PHF23: variants seen among roughly 807,000 people sequenced by gnomAD.
PHF23 encodes the protein PDH-containing protein JUNE-1.
A neutral mutation model predicts 36.0 loss-of-function variants in PHF23; 3 were observed. The observed-to-expected ratio is 0.08, with a 90% confidence interval of 0.04 to 0.22. PHF23 has a LOEUF of 0.22. Ranked by LOEUF, PHF23 falls within the 10% of genes least tolerant of loss-of-function variation. The pLI, the probability that PHF23 is intolerant of heterozygous loss-of-function variation, is 1.00. For missense variants in PHF23, 475 were observed against 513.6 expected (o/e 0.92, Z 0.73); for synonymous variants, 242 against 192.5 (o/e 1.26, Z -2.13).
Position 7,236,141 on chromosome 17 carries a change from C to A in PHF23, c.786G>T (p.Met262Ile). 1 of 1,610,420 alleles carries A rather than the reference C, an allele frequency of 6.2e-7. No homozygotes were observed. The highest frequency in any genetic ancestry group is 8.5e-7 in the Non-Finnish European group (1 of 1,178,144). The change falls in exon 4 of 5, where the codon ATG (methionine) becomes ATT (isoleucine). Residue 262 changes from methionine to isoleucine, a missense_variant. Coordinates refer to ENST00000320316, the MANE Select transcript of PHF23 (RefSeq NM_024297.3). The surrounding 1 kb of genome is among the most constrained non-coding windows in gnomAD (Gnocchi z 5.1). ...GGGCTTCACCCCCTACCACTGTTGC[C>A]ATCTCTTCTTCTTCTTCCTCTTCCT... ...EEEEEEEEEEMATVVGGEAPV... is the reference protein window; with the variant it reads ...EEEEEEEEEEIATVVGGEAPV...
Position 7,236,171 on chromosome 17 carries a change from T to C in PHF23, c.756A>G (p.Glu252=). The C allele has an allele frequency of 1.9e-6, 3 of 1,610,682 alleles. No individual in the cohort carries two copies. Among genetic ancestry groups the C allele is most frequent in the Non-Finnish European group, 2.5e-6 (3 of 1,178,186 alleles). Residue 252 remains glutamate (E), a synonymous_variant, in exon 4 of 5, where the codon GAA becomes GAG. Coordinates refer to ENST00000320316, the MANE Select transcript of PHF23 (RefSeq NM_024297.3). This position sits in a 1 kb window ranked among gnomAD's most constrained non-coding sequence, Gnocchi z 5.1. ...CTTCTTCTTCTTCCTCTTCCTCCTC[T>C]TCCTCCTCCTCTTCAGAGTCTGTAT... ...PSDTDSEEEE[E]EEEEEEEEEM...
rs1187380845 is a variant in PHF23 at position 7,235,383 on chromosome 17, TTA to T, written c.*241_*242del. On this transcript the variant is annotated 3_prime_UTR_variant, in exon 5 of 5. Transcript: ENST00000320316. Reference sequence around the variant, plus strand: ...TGGTGGCAGGTCCAAGAGACAGAGATTATGTGTCGGGACACAGACAGCCTCCC... The same window carrying T: ...TGGTGGCAGGTCCAAGAGACAGAGATTGTGTCGGGACACAGACAGCCTCCC... The T allele has an allele frequency of 3.7e-6, 2 of 534,052 alleles. No individual in the cohort carries two copies. Among genetic ancestry groups the T allele is most frequent in the African/African-American group, 3.8e-5 (2 of 52,440 alleles). The allele number at this position is 534,052 out of a possible 1,614,324, so 33.1% of individuals were successfully genotyped here. A position where few individuals can be genotyped will look rare whatever the true frequency, so the allele number is the denominator to read the frequency against.
chr17:7,238,639 CCCCCCCCACCCCG>C, intron 1 of PHF23: 6 of 297,116 alleles, frequency 2.0e-5, no homozygotes, highest in Non-Finnish European at 1.9e-5. Flanking sequence ...CCGGTCTTAA[CCCCCCCCACCCCG>C]CCCCACCACC....
At position 7,235,844 on chromosome 17, in the gene PHF23, G is replaced by T; in HGVS notation, c.998-4C>A. ...ATCAGATCCCATGAGTCATCACCTG[G>T]GGAAAAAAAGGTTTGTTTGGTATTC... is the stretch of plus-strand genomic sequence containing the variant. On this transcript the variant is annotated splice_polypyrimidine_tract_variant and splice_region_variant and intron_variant, in intron 4 of 4. Coordinates refer to ENST00000320316, the MANE Select transcript of PHF23 (RefSeq NM_024297.3). 1 of 1,613,018 alleles carries T rather than the reference G, an allele frequency of 6.2e-7. No individual in the cohort carries two copies. The highest frequency in any genetic ancestry group is 2.2e-5 in the East Asian group (1 of 44,876).
At position 7,235,061 on chromosome 17, in the gene PHF23, A is replaced by G. The variant is rs2071627063; in HGVS notation, c.*565T>C. ...CAAAAGAGCCCACTCTGCTTTATTT[A>G]CAACACGCAGGCTGTCTGTACAAAC... On this transcript the variant is annotated 3_prime_UTR_variant, in exon 5 of 5. Coordinates refer to ENST00000320316, the MANE Select transcript of PHF23 (RefSeq NM_024297.3). 6.0e-6 allele frequency: 1 copy of G among 165,962 alleles called. No individual in the cohort carries two copies. Among genetic ancestry groups the G allele is most frequent in the Non-Finnish European group, 1.3e-5 (1 of 75,106 alleles). The allele number at this position is 165,962 out of a possible 1,614,324, so 10.3% of individuals were successfully genotyped here.
At chr17:7,238,785 C>G (rs767913478) in intron 1 of PHF23, 1 of 1,534,820 alleles carries the variant, frequency 6.5e-7, no homozygotes, top group Non-Finnish European at 8.7e-7. Context: ...TACCTGCCCA[C>G]CTCTCCGACA....
intron 2 of PHF23, 65 bp from the exon 3 acceptor site, chr17:7,237,542 C>A (rs962568748): frequency 3.7e-6 from 6 of 1,606,316 alleles, no homozygotes; most frequent in Middle Eastern, 3.3e-4. Context: ...TTCCCAGAAA[C>A]ACAGTCCCTA....
At chr17:7,237,939 C>T in intron 1 of PHF23, 2 of 483,696 alleles carry the variant, frequency 4.1e-6, no homozygotes, top group Non-Finnish European at 7.5e-6. Context: ...CTCTCGACTC[C>T]AGTCTACTCG....
In PHF23 at chr17:7,236,350, C is replaced by G; in HGVS notation, c.577G>C (p.Gly193Arg). Reference protein sequence around the residue: ...RKNRKLGPGAGAGFGVLRRPR... With the variant: ...RKNRKLGPGARAGFGVLRRPR... Reference sequence around the variant, plus strand: ...CTCCGAAGCACCCCAAAGCCAGCCCCAGCTCCTGGCCCCAACTTTCGGTTC... The same window carrying G: ...CTCCGAAGCACCCCAAAGCCAGCCCGAGCTCCTGGCCCCAACTTTCGGTTC... Residue 193 changes from glycine to arginine, a missense_variant, in exon 4 of 5, where the codon GGG (glycine) becomes CGG (arginine). Physicochemically the swap from Gly to Arg is moderately radical, Grantham distance 125. Transcript: ENST00000320316. This position sits in a 1 kb window ranked among gnomAD's most constrained non-coding sequence, Gnocchi z 5.1. 6.2e-7 allele frequency: 1 copy of G among 1,614,230 alleles called. No individual in the cohort carries two copies. Among genetic ancestry groups the G allele is most frequent in the Non-Finnish European group, 8.5e-7 (1 of 1,180,052 alleles).
chr17:7,239,010 T>C, intron 1 of PHF23: 1 of 1,444,974 alleles, frequency 6.9e-7, no homozygotes, highest in Non-Finnish European at 9.1e-7. Flanking sequence ...GCTCCGGGTT[T>C]CAAGCTCCTA....
rs756621317 is a variant in PHF23 at position 7,236,125 on chromosome 17, C to T, written c.802G>A (p.Gly268Ser). 1 of 1,611,082 alleles carries T rather than the reference C, an allele frequency of 6.2e-7. No individual in the cohort carries two copies. Among genetic ancestry groups the T allele is most frequent in the Non-Finnish European group, 8.5e-7 (1 of 1,178,534 alleles). The part of the protein sequence containing the change: ...EEEEMATVVG[G>S]EAPVPVLPTP... ...GGCAGCACAGGGACTGGGGCTTCAC[C>T]CCCTACCACTGTTGCCATCTCTTCT... The change falls in exon 4 of 5, where the codon GGT (glycine) becomes AGT (serine). Residue 268 changes from glycine to serine, a missense_variant. Coordinates refer to ENST00000320316, the MANE Select transcript of PHF23 (RefSeq NM_024297.3). This position sits in a 1 kb window ranked among gnomAD's most constrained non-coding sequence, Gnocchi z 5.1.
In PHF23 at chr17:7,236,407, G is replaced by C. The variant is rs2071669635; in HGVS notation, c.520C>G (p.Leu174Val). 3 of 1,613,776 alleles carry C rather than the reference G, an allele frequency of 1.9e-6. No homozygotes were observed. Among genetic ancestry groups the C allele is most frequent in the Non-Finnish European group, 2.5e-6 (3 of 1,180,012 alleles). ...TCCTTCTTTCGAGGAGGATGGGAGA[G>C]GTCCCCCTGGGAAAGGGGCACGGGG... Reference protein sequence around the residue: ...LTPVPLSQGDLSHPPRKKDRK... With the variant: ...LTPVPLSQGDVSHPPRKKDRK... Residue 174 changes from leucine (L) to valine (V), a missense_variant, in exon 4 of 5, where the codon CTC (leucine) becomes GTC (valine). Leu to Val is a conservative substitution (Grantham distance 32). This residue lies in a region of PHF23 where 350 missense variants were observed against 319.8 expected (regional missense o/e 1.09). Coordinates refer to ENST00000320316, the MANE Select transcript of PHF23 (RefSeq NM_024297.3). This position sits in a 1 kb window ranked among gnomAD's most constrained non-coding sequence, Gnocchi z 5.1.
intron 3 of PHF23, among the ~76,000 whole-genome samples, 175 bp downstream of exon 3, chr17:7,237,210 A>G (rs1281515040): frequency 6.6e-6 from 1 of 152,048 alleles, no homozygotes. Flanking sequence ...TATCCCGGCC[A>G]TCCACTCCCC....
Position 7,235,980 on chromosome 17 carries a change from G to A in PHF23, c.947C>T (p.Ser316Phe). Reference protein sequence around the residue: ...TETSQDGDASSSEGEMRVMDE... With the variant: ...TETSQDGDASFSEGEMRVMDE... ...CATGACCCGCATCTCGCCTTCACTGGAGCTGGCATCTCCATCTTGGCTTGT... is the reference window on the plus strand; with the variant it reads ...CATGACCCGCATCTCGCCTTCACTGAAGCTGGCATCTCCATCTTGGCTTGT... Residue 316 changes from serine (S) to phenylalanine (F), a missense_variant, in exon 4 of 5, where the codon TCC (serine) becomes TTC (phenylalanine). By Grantham distance (155) the Ser-to-Phe change is radical (BLOSUM62 -2). Transcript: ENST00000320316. 2 of 1,613,388 alleles carry A rather than the reference G, an allele frequency of 1.2e-6. No homozygotes were observed. The highest frequency in any genetic ancestry group is 1.7e-6 in the Non-Finnish European group (2 of 1,179,536).
In PHF23 at chr17:7,236,347, C is replaced by A; in HGVS notation, c.580G>T (p.Ala194Ser). 6.2e-7 allele frequency: 1 copy of A among 1,614,168 alleles called. No individual in the cohort carries two copies. Among genetic ancestry groups the A allele is most frequent in the Non-Finnish European group, 8.5e-7 (1 of 1,180,034 alleles). Residue 194 changes from alanine (A) to serine (S), a missense_variant, in exon 4 of 5, where the codon GCT (alanine) becomes TCT (serine). Around this residue, in one of 5 missense-constraint regions of PHF23, gnomAD observed 350 missense variants for 319.8 expected, o/e 1.09. Transcript: ENST00000320316. This position sits in a 1 kb window ranked among gnomAD's most constrained non-coding sequence, Gnocchi z 5.1. Reference sequence around the variant, plus strand: ...GGCCTCCGAAGCACCCCAAAGCCAGCCCCAGCTCCTGGCCCCAACTTTCGG... The same window carrying A: ...GGCCTCCGAAGCACCCCAAAGCCAGACCCAGCTCCTGGCCCCAACTTTCGG... ...KNRKLGPGAG[A>S]GFGVLRRPRP...
At chr17:7,240,760 T>C, upstream of PHF23, 1 of 788,788 alleles carries the variant, frequency 1.3e-6, no homozygotes, top group Non-Finnish European at 2.2e-6. Context: ...ATAAGGGAGG[T>C]GGTGTTTGAG....
intron 1 of PHF23, chr17:7,238,877 G>C: frequency 6.5e-7 from 1 of 1,533,510 alleles, no homozygotes; most frequent in Non-Finnish European, 8.7e-7. Flanking sequence ...GAACTACCGG[G>C]CCCCTCACTC....
At chr17:7,240,827 C>A (rs10999), upstream of PHF23, 32,635 of 1,541,568 alleles carry the variant, frequency 0.021, 2,268 homozygotes, top group East Asian at 0.28. Context: ...TAGAATGAGA[C>A]CCCCCTCCAG....
rs1018778065 is a variant in PHF23, at chr17:7,236,848, G to A, written c.160-81C>T. 20 of 1,509,196 alleles carry A rather than the reference G, an allele frequency of 1.3e-5. No homozygotes were observed. The highest frequency in any genetic ancestry group is 1.7e-5 in the Non-Finnish European group (19 of 1,138,932). The allele number at this position is 1,509,196 out of a possible 1,614,324, so 93.5% of individuals were successfully genotyped here. ...CCACAAACCCAGCTTGAAAAGGAGT[G>A]ACTGGATTTACCCCAAAATGTCCTA... On this transcript the variant is annotated intron_variant, in intron 3 of 4. Transcript: ENST00000320316. This position sits in a 1 kb window ranked among gnomAD's most constrained non-coding sequence, Gnocchi z 5.1.
Sources: gnomAD v4.1 joint callset for allele counts (sites outside exome capture counted in the v4.1 genomes callset) on GRCh38, gnomAD v4.1.1 for gene constraint, gnomAD v4.1.1 regional missense constraint, Gnocchi (gnomAD v3.1) non-coding constraint, MANE v1.5 for transcripts, NCBI Gene and HGNC (gene_info 2026-07-23, HGNC 2026-07-21) for gene names.